FANCA: variants seen among roughly 807,000 people sequenced by gnomAD.
FANCA encodes Fanconi anemia group A protein.
Under a neutral mutation model 194.3 loss-of-function variants are expected in FANCA, and 236 were observed. That is an observed-to-expected ratio of 1.21 (90% CI 1.09 to 1.35). The LOEUF (loss-of-function observed/expected upper bound fraction) is 1.35, where lower values mean the gene tolerates loss of function less well. Among genes scored for constraint, FANCA ranks in the 40% most tolerant of loss-of-function variants. FANCA has a pLI of 0.00. For missense variants in FANCA, 2,628 were observed against 1,813.9 expected, an observed-to-expected ratio of 1.45 and a Z score of -8.15; for synonymous variants, 1,014 against 715.8, an observed-to-expected ratio of 1.42 and a Z score of -6.65.
intron 8 of FANCA, among the ~76,000 whole-genome samples, chr16:89,799,853 C>A (rs1451410919): frequency 6.6e-6 from 1 of 152,170 alleles, no homozygotes; most frequent in Non-Finnish European, 1.5e-5. Context: ...ATTAGCCGGG[C>A]GCAGTGGCGG....
In FANCA at chr16:89,739,445, C is replaced by T. The variant is rs769830774; in HGVS notation, c.4010+33G>A. ...TGAGATGGGGGTCTGGGAAACACTG[C>T]CCAGCCCTGACCAGCCCTGTGGGTG... On this transcript the variant is annotated intron_variant, in intron 40 of 42. Transcript: ENST00000389301. 6 of 1,553,090 alleles carry T rather than the reference C, an allele frequency of 3.9e-6. No homozygotes were observed. In the East Asian group the frequency reaches 7.3e-5, roughly 19 times the overall value.
intron 3 of FANCA, among the ~76,000 whole-genome samples, chr16:89,814,254 G>A (rs772952275): frequency 3.3e-5 from 5 of 152,194 alleles, no homozygotes; most frequent in Non-Finnish European, 5.9e-5. Flanking sequence ...CATCCCTGCT[G>A]TTGCTATGTC....
intron 30 of FANCA, among the ~76,000 whole-genome samples, chr16:89,753,099 T>G (rs1189827391): frequency 1.3e-5 from 2 of 152,206 alleles, no homozygotes; most frequent in Non-Finnish European, 2.9e-5. Context: ...GTGAAAATAC[T>G]AATAGTCCCT....
chr16:89,747,828 GCT>G (rs1232480312), intron 33 of FANCA, among the ~76,000 whole-genome samples: 1 of 152,220 alleles, frequency 6.6e-6, no homozygotes, highest in Non-Finnish European at 1.5e-5. Flanking sequence ...AGCAGAAGCT[GCT>G]CTCTGTAGAG....
At chr16:89,813,203 T>G (rs1339167498) in intron 3 of FANCA, among the ~76,000 whole-genome samples, 1 of 151,784 alleles carries the variant, frequency 6.6e-6, no homozygotes, top group East Asian at 1.9e-4. Context: ...TTGCTTGAGC[T>G]CAGGAGTTTG....
intron 21 of FANCA, among the ~76,000 whole-genome samples, chr16:89,775,109 G>A (rs1195931937): frequency 1.3e-5 from 2 of 151,926 alleles, no homozygotes; most frequent in African/African-American, 4.8e-5. Flanking sequence ...AAGCCCACAG[G>A]GAAGCAGCAG....
At chr16:89,803,382 G>A (rs370405870) in intron 7 of FANCA, 41 bp from the exon 8 acceptor site, 2 of 1,565,690 alleles carry the variant, frequency 1.3e-6, no homozygotes, top group Non-Finnish European at 8.8e-7. Flanking sequence ...GGACATCATG[G>A]TCTCCAAGCA....
At chr16:89,759,714 G>C (rs980623958) in intron 29 of FANCA, among the ~76,000 whole-genome samples, 2 of 152,218 alleles carry the variant, frequency 1.3e-5, no homozygotes, top group African/African-American at 4.8e-5. Context: ...TGAGCCGTGA[G>C]TGCATCACTG....
intron 8 of FANCA, among the ~76,000 whole-genome samples, chr16:89,802,380 G>A (rs1364957366): frequency 1.3e-5 from 2 of 151,634 alleles, no homozygotes. Flanking sequence ...TGGATTATAG[G>A]CATGAGCCAT....
chr16:89,770,375 G>T, intron 24 of FANCA, 116 bp from the exon 25 acceptor site: 1 of 1,076,502 alleles, frequency 9.3e-7, no homozygotes, highest in Non-Finnish European at 1.4e-6. Flanking sequence ...CCAAAACAGT[G>T]GTCTTTCTGG....
chr16:89,739,569 G>A lies in FANCA; in HGVS notation c.3935-16C>T, dbSNP rs1061646. The A allele has an allele frequency of 0.35, 549,813 of 1,550,080 alleles. 107,219 individuals are homozygous for A. The highest frequency in any genetic ancestry group is 0.8 in the East Asian group (32,691 of 40,882). ...AGCCTGAGGTCTGCAACACCAAGAAGTGGCTCAGGCAACTCTGGACATCTC... is the reference window on the plus strand; with the variant it reads ...AGCCTGAGGTCTGCAACACCAAGAAATGGCTCAGGCAACTCTGGACATCTC... On this transcript the variant is annotated splice_polypyrimidine_tract_variant and intron_variant, in intron 39 of 42. Coordinates refer to ENST00000389301, the MANE Select transcript of FANCA (RefSeq NM_000135.4).
intron 5 of FANCA, among the ~76,000 whole-genome samples, chr16:89,808,640 T>G (rs1440015844): frequency 6.6e-6 from 1 of 152,096 alleles, no homozygotes; most frequent in African/African-American, 2.4e-5. Context: ...GTAGCCTACT[T>G]CTAACCCTTT....
intron 15 of FANCA, 71 bp downstream of exon 15, chr16:89,784,783 C>A: frequency 8.1e-7 from 1 of 1,230,452 alleles, no homozygotes; most frequent in Non-Finnish European, 1.2e-6. Flanking sequence ...CTTGGGGAGG[C>A]CAAGGCAGTC....
chr16:89,798,766 G>A, intron 10 of FANCA: 2 of 1,390,656 alleles, frequency 1.4e-6, no homozygotes, highest in Non-Finnish European at 1.9e-6. Context: ...GGAGTCTGTA[G>A]AGGCACAGCT....
chr16:89,811,625 C>T lies in FANCA; in HGVS notation c.284-554G>A, dbSNP rs545511885. Among the ~76,000 whole-genome samples the T allele has an allele frequency of 2.0e-5, 3 of 152,312 alleles. No homozygotes were observed. The South Asian group carries it at 6.2e-4, about 32-fold the overall frequency. On this transcript the variant is annotated intron_variant, in intron 3 of 42. Transcript: ENST00000389301. The stretch of plus-strand genomic sequence containing the variant: ...AGGCAGCCACCATTCTCCTGAGCAA[C>T]CAGCCACTGGTCTGCATTCAATAAA...
chr16:89,812,981 C>T (rs1205627508), intron 3 of FANCA, among the ~76,000 whole-genome samples: 3 of 149,990 alleles, frequency 2.0e-5, no homozygotes, highest in Admixed American at 6.7e-5. Flanking sequence ...TGTAGTGAGC[C>T]GAGATGGCGC....
At chr16:89,792,834 TGATA>T in intron 11 of FANCA, 1 of 391,036 alleles carries the variant, frequency 2.6e-6, no homozygotes, top group Non-Finnish European at 4.9e-6. Flanking sequence ...TCATCTCCAA[TGATA>T]GGTAAGGTCA....
At chr16:89,813,865 A>G (rs1459721738) in intron 3 of FANCA, among the ~76,000 whole-genome samples, 1 of 151,766 alleles carries the variant, frequency 6.6e-6, no homozygotes, top group African/African-American at 2.4e-5. Context: ...TACTAACTAT[A>G]TCTTTAGCAG....
In FANCA at chr16:89,737,674, G is replaced by A. The variant is rs1567587527; in HGVS notation, c.*927C>T. The A allele has an allele frequency of 1.3e-6, 2 of 1,522,814 alleles. No individual in the cohort carries two copies. Among genetic ancestry groups the A allele is most frequent in the Non-Finnish European group, 1.8e-6 (2 of 1,134,314 alleles). 94.3% of individuals were successfully genotyped at this position (1,522,814 alleles called of 1,614,324 possible). Reference sequence around the variant, plus strand: ...TAAACGAGGCCCTCATAGGCCCCTTGCTTGGGCCCACTGCATGGTGAACCA... The same window carrying A: ...TAAACGAGGCCCTCATAGGCCCCTTACTTGGGCCCACTGCATGGTGAACCA... On this transcript the variant is annotated 3_prime_UTR_variant, in exon 43 of 43. Transcript: ENST00000389301.
Sources: gnomAD v4.1 joint callset for allele counts (sites outside exome capture counted in the v4.1 genomes callset) on GRCh38, gnomAD v4.1.1 for gene constraint, MANE v1.5 for transcripts, NCBI Gene and HGNC (gene_info 2026-07-23, HGNC 2026-07-21) for gene names.